CLTCL1: variants seen among roughly 807,000 people sequenced by gnomAD.
CLTCL1 encodes the protein clathrin heavy chain like 1, also known as clathrin heavy chain 2.
Under a neutral mutation model 190.0 loss-of-function variants are expected in CLTCL1, and 159 were observed. That is an observed-to-expected ratio of 0.84 (90% CI 0.74 to 0.95). The LOEUF (loss-of-function observed/expected upper bound fraction) is 0.95, where lower values mean the gene tolerates loss of function less well. Ranked by LOEUF, CLTCL1 falls within the 40% of genes least tolerant of loss-of-function variation. CLTCL1 has a pLI of 0.00. For synonymous variants in CLTCL1, 752 were observed against 769.6 expected (o/e 0.98, Z 0.38); for missense variants, 1,878 against 2,033.4 (o/e 0.92, Z 1.47).
intron 1 of CLTCL1, among the ~76,000 whole-genome samples, chr22:19,276,712 C>T (rs1205111652): frequency 1.3e-5 from 2 of 152,174 alleles, no homozygotes; most frequent in Admixed American, 6.5e-5. Context: ...CTCTGTTGCC[C>T]AGGCTGGAGT....
intron 18 of CLTCL1, among the ~76,000 whole-genome samples, chr22:19,216,756 C>T (rs1456636883): frequency 2.0e-5 from 3 of 152,242 alleles, no homozygotes; most frequent in Non-Finnish European, 4.4e-5. Context: ...TGTGCCACCC[C>T]TCCTCCAATT....
intron 18 of CLTCL1, 119 bp downstream of exon 18, chr22:19,219,766 G>A (rs782024193): frequency 7.9e-5 from 113 of 1,438,396 alleles, no homozygotes; most frequent in Non-Finnish European, 9.5e-5. Context: ...CATTACAGGC[G>A]TGAGCCACTG....
rs532002211 is a variant in CLTCL1 at position 19,234,674 on chromosome 22, A to T, written c.1002T>A (p.Ile334=). The change falls in exon 7 of 33, where the codon ATT becomes ATA. Residue 334 remains isoleucine (I), a synonymous_variant. Transcript: ENST00000427926. ...VLSVCVEEDN[I]VNYATNVLQN... Reference sequence around the variant, plus strand: ...GAAGCACGTTGGTTGCATAATTCACAATGTTATCTTCCTCAACACAAACTG... The same window carrying T: ...GAAGCACGTTGGTTGCATAATTCACTATGTTATCTTCCTCAACACAAACTG... 22 of 1,614,008 alleles carry T rather than the reference A, an allele frequency of 1.4e-5. No homozygotes were observed. The East Asian group carries it at 2.9e-4, about 21-fold the overall frequency.
At chr22:19,267,766 G>C (rs189027438) in intron 2 of CLTCL1, among the ~76,000 whole-genome samples, 1 of 152,032 alleles carries the variant, frequency 6.6e-6, no homozygotes, top group South Asian at 2.1e-4. Flanking sequence ...ATGGTGGCAG[G>C]CACCTGTAAT....
At chr22:19,225,659 C>T in intron 12 of CLTCL1, 26 bp from the exon 13 acceptor site, 1 of 1,534,562 alleles carries the variant, frequency 6.5e-7, no homozygotes. Flanking sequence ...AGTCTGTCCA[C>T]AACGATGCAC....
intron 2 of CLTCL1, among the ~76,000 whole-genome samples, chr22:19,254,708 T>G (rs1245726559): frequency 6.6e-6 from 1 of 152,232 alleles, no homozygotes; most frequent in Admixed American, 6.5e-5. Flanking sequence ...TCTACAATGT[T>G]GGATATATTC....
chr22:19,275,928 AAAGTTAACATTAGGTAAACAC>A, intron 1 of CLTCL1, 98 bp from the exon 2 acceptor site: 1 of 1,059,200 alleles, frequency 9.4e-7, no homozygotes, highest in East Asian at 2.6e-5. Context: ...AATTTAGAAA[AAAGTTAACATTAGGTAAACAC>A]TTGAAGGAAA....
chr22:19,287,956 T>C (rs1184370355), intron 1 of CLTCL1, among the ~76,000 whole-genome samples: 1 of 152,184 alleles, frequency 6.6e-6, no homozygotes, highest in Admixed American at 6.5e-5. Context: ...TTTCACACTG[T>C]TACCTATAGT....
At chr22:19,277,306 A>T (rs538891207) in intron 1 of CLTCL1, among the ~76,000 whole-genome samples, 3 of 152,260 alleles carry the variant, frequency 2.0e-5, no homozygotes, top group Non-Finnish European at 1.5e-5. Flanking sequence ...TCTCACACAC[A>T]CTTTACACTT....
At chr22:19,218,299 TG>T (rs1483164314) in intron 18 of CLTCL1, among the ~76,000 whole-genome samples, 1 of 152,238 alleles carries the variant, frequency 6.6e-6, no homozygotes, top group East Asian at 1.9e-4. Context: ...GTCTGATGTC[TG>T]GGAACCTGGA....
At chr22:19,186,334 C>A (rs1391694344) in intron 29 of CLTCL1, among the ~76,000 whole-genome samples, 1 of 152,018 alleles carries the variant, frequency 6.6e-6, no homozygotes, top group Non-Finnish European at 1.5e-5. Flanking sequence ...TCCACCTCAC[C>A]CCCGCGGGGA....
intron 3 of CLTCL1, among the ~76,000 whole-genome samples, chr22:19,245,579 G>A (rs1459213427): frequency 2.0e-5 from 3 of 152,178 alleles, no homozygotes; most frequent in African/African-American, 4.8e-5. Context: ...TAGGACACTC[G>A]CAATGTGTGG....
chr22:19,207,567 C>T (rs986500165), intron 22 of CLTCL1: 2 of 406,140 alleles, frequency 4.9e-6, no homozygotes, highest in Non-Finnish European at 8.7e-6. Context: ...CACACTAAAG[C>T]AGCGGTCCCC....
At chr22:19,225,399 T>G in intron 13 of CLTCL1, 54 bp downstream of exon 13, 160 of 1,484,686 alleles carry the variant, frequency 1.1e-4, no homozygotes, top group Non-Finnish European at 1.3e-4. Flanking sequence ...CAGCAACACC[T>G]GAGAAAGGAG....
At chr22:19,180,342 T>C in intron 31 of CLTCL1, 104 bp from the exon 32 acceptor site, 2 of 1,273,016 alleles carry the variant, frequency 1.6e-6, no homozygotes, top group East Asian at 4.7e-5. Flanking sequence ...AGGCCTGTGT[T>C]TGCCCCACAG....
At chr22:19,273,421 C>T (rs1472241613) in intron 2 of CLTCL1, among the ~76,000 whole-genome samples, 1 of 152,070 alleles carries the variant, frequency 6.6e-6, no homozygotes, top group Admixed American at 6.6e-5. Flanking sequence ...CCATTAAGAA[C>T]GAAAATAAAA....
At chr22:19,193,905 C>G (rs1449662786) in intron 26 of CLTCL1, among the ~76,000 whole-genome samples, 3 of 152,216 alleles carry the variant, frequency 2.0e-5, no homozygotes. Flanking sequence ...TGAGCAGCAG[C>G]AAGACTGATT....
chr22:19,233,016 G>C (rs2085962721), intron 9 of CLTCL1, 150 bp downstream of exon 9: 2 of 836,870 alleles, frequency 2.4e-6, no homozygotes, highest in Non-Finnish European at 3.7e-6. Flanking sequence ...AATAAAATAT[G>C]ATCATTATGA....
intron 26 of CLTCL1, among the ~76,000 whole-genome samples, chr22:19,195,986 G>A (rs1255514367): frequency 6.6e-6 from 1 of 152,242 alleles, no homozygotes; most frequent in African/African-American, 2.4e-5. Context: ...GGAGGGGCGG[G>A]CAGGCAGGGC....
Sources: allele counts gnomAD v4.1 joint callset (sites outside exome capture counted in the v4.1 genomes callset), GRCh38; gene constraint gnomAD v4.1.1; transcripts MANE v1.5; gene names NCBI Gene and HGNC (gene_info 2026-07-23, HGNC 2026-07-21).